RBMS3: variants seen among roughly 807,000 people sequenced by gnomAD.
RBMS3 encodes the protein RNA binding motif single stranded interacting protein 3.
In RBMS3, 27 loss-of-function variants were observed where a neutral mutation model predicts 66.8. The ratio of observed to expected loss-of-function variants is 0.40; its 90% CI spans 0.30 to 0.56. RBMS3 has a LOEUF of 0.56. RBMS3 is among the 20% of genes least tolerant of loss of function. The pLI is 0.40. For synonymous variants in RBMS3, 188 were observed against 183.0 expected, an observed-to-expected ratio of 1.03 and a Z score of -0.22; for missense variants, 513 against 549.5, an observed-to-expected ratio of 0.93 and a Z score of 0.66.
At chr3:29,670,063 C>A (rs898197698) in intron 4 of RBMS3, among the ~76,000 whole-genome samples, 7 of 152,182 alleles carry the variant, frequency 4.6e-5, no homozygotes, top group Admixed American at 3.3e-4. Flanking sequence ...GTAATCATTC[C>A]TTATAATATT....
chr3:29,902,673 C>A (rs2060284449), intron 10 of RBMS3, among the ~76,000 whole-genome samples: 1 of 151,850 alleles, frequency 6.6e-6, no homozygotes, highest in Non-Finnish European at 1.5e-5. Flanking sequence ...TTGCTTGCAA[C>A]TTTTCTTCTC....
At chr3:29,582,494 C>G (rs1468781766) in intron 3 of RBMS3, among the ~76,000 whole-genome samples, 2 of 152,146 alleles carry the variant, frequency 1.3e-5, no homozygotes, top group African/African-American at 2.4e-5. Context: ...TCATTTGAAC[C>G]TGCTGCCAAG....
intron 6 of RBMS3, among the ~76,000 whole-genome samples, chr3:29,855,438 A>T (rs2059047692): frequency 6.6e-6 from 1 of 152,174 alleles, no homozygotes; most frequent in Non-Finnish European, 1.5e-5. Context: ...AAAAATACAC[A>T]TTATGTTCAA....
chr3:30,003,604 G>A (rs769881099), intron 14 of RBMS3, among the ~76,000 whole-genome samples: 1 of 151,930 alleles, frequency 6.6e-6, no homozygotes, highest in African/African-American at 2.4e-5. Flanking sequence ...CAAAGGATCT[G>A]TAAGGAGCTA....
At chr3:29,959,625 A>G (rs891409805) in intron 12 of RBMS3, among the ~76,000 whole-genome samples, 18 of 152,174 alleles carry the variant, frequency 1.2e-4, no homozygotes, top group Non-Finnish European at 2.1e-4. Context: ...GATGCTGCGA[A>G]GAATTACTCA....
At chr3:29,532,121 C>T (rs748005134) in intron 3 of RBMS3, among the ~76,000 whole-genome samples, 1 of 151,266 alleles carries the variant, frequency 6.6e-6, no homozygotes, top group Non-Finnish European at 1.5e-5. Flanking sequence ...ACTAGATAGT[C>T]ACTTTGATGT....
chr3:29,978,542 C>T (rs1164991637), intron 12 of RBMS3, among the ~76,000 whole-genome samples: 1 of 151,570 alleles, frequency 6.6e-6, no homozygotes, highest in Non-Finnish European at 1.5e-5. Flanking sequence ...TATTAAATCT[C>T]TACTGGTTAT....
At chr3:29,494,578 T>G (rs2043669416) in intron 3 of RBMS3, among the ~76,000 whole-genome samples, 1 of 152,224 alleles carries the variant, frequency 6.6e-6, no homozygotes, top group Non-Finnish European at 1.5e-5. Flanking sequence ...AAATAAGAGC[T>G]ATTGTACAAG....
At chr3:29,351,412 T>C (rs1198301545) in intron 1 of RBMS3, among the ~76,000 whole-genome samples, 1 of 152,142 alleles carries the variant, frequency 6.6e-6, no homozygotes, top group African/African-American at 2.4e-5. Context: ...TCATAATTGC[T>C]CTAACATTAC....
intron 4 of RBMS3, among the ~76,000 whole-genome samples, chr3:29,647,677 A>G (rs747273456): frequency 3.9e-5 from 6 of 152,200 alleles, no homozygotes; most frequent in Non-Finnish European, 5.9e-5. Context: ...GGAGGTAACC[A>G]TCTTAAATAC....
At chr3:29,424,886 G>T (rs1481102467) in intron 1 of RBMS3, among the ~76,000 whole-genome samples, 1 of 152,210 alleles carries the variant, frequency 6.6e-6, no homozygotes, top group East Asian at 1.9e-4. Flanking sequence ...ACAACTGGAG[G>T]AAACTTTGCA....
At chr3:29,414,743 G>A (rs372613786) in intron 1 of RBMS3, among the ~76,000 whole-genome samples, 82 of 152,222 alleles carry the variant, frequency 5.4e-4, no homozygotes, top group African/African-American at 2.0e-3. Context: ...GATCAATAAG[G>A]CAAGAAAATC....
At chr3:29,454,819 C>T (rs1372338600) in intron 2 of RBMS3, among the ~76,000 whole-genome samples, 1 of 152,192 alleles carries the variant, frequency 6.6e-6, no homozygotes, top group African/African-American at 2.4e-5. Context: ...ACCCTCAGGG[C>T]TATCTAGGTC....
At chr3:29,982,264 G>A (rs1051577526) in intron 12 of RBMS3, among the ~76,000 whole-genome samples, 1 of 152,110 alleles carries the variant, frequency 6.6e-6, no homozygotes, top group African/African-American at 2.4e-5. Flanking sequence ...GAGATCAGTG[G>A]TGATATCCCC....
intron 3 of RBMS3, among the ~76,000 whole-genome samples, chr3:29,540,924 G>A (rs1360504062): frequency 2.0e-5 from 3 of 152,044 alleles, no homozygotes; most frequent in African/African-American, 4.8e-5. Context: ...GAGTTTTTTC[G>A]GGAAGTGTTT....
At chr3:29,496,252 T>G (rs1025801932) in intron 3 of RBMS3, among the ~76,000 whole-genome samples, 1 of 151,802 alleles carries the variant, frequency 6.6e-6, no homozygotes, top group Non-Finnish European at 1.5e-5. Flanking sequence ...TATTTTAAAT[T>G]ATATTTCTCT....
At chr3:29,382,439 C>T (rs72852315) in intron 1 of RBMS3, among the ~76,000 whole-genome samples, 1,566 of 152,282 alleles carry the variant, frequency 0.01, 17 homozygotes, top group African/African-American at 0.035. Context: ...TACTTCCTGC[C>T]TCTTTGGTGT....
intron 10 of RBMS3, among the ~76,000 whole-genome samples, chr3:29,930,111 T>TTCTTTCTTTC (rs796774615): frequency 1.7e-5 from 1 of 58,300 alleles, no homozygotes; most frequent in Non-Finnish European, 4.4e-5. Flanking sequence ...CTTTCTTTCT[T>TTCTTTCTTTC]TTTTTTTTTT....
chr3:29,864,650 A>T (rs1242243956), intron 6 of RBMS3, among the ~76,000 whole-genome samples: 3 of 152,218 alleles, frequency 2.0e-5, no homozygotes, highest in Non-Finnish European at 4.4e-5. Flanking sequence ...GAAGTGGCTG[A>T]CAGAGATTCT....
Sources: allele counts gnomAD v4.1 joint callset (sites outside exome capture counted in the v4.1 genomes callset), GRCh38; gene constraint gnomAD v4.1.1; transcripts MANE v1.5; gene names NCBI Gene and HGNC (gene_info 2026-07-23, HGNC 2026-07-21).